BAIAP2: variants seen among roughly 807,000 people sequenced by gnomAD.
BAIAP2 encodes the protein BAR/IMD domain containing adaptor protein 2, also known as BAR/IMD domain-containing adapter protein 2.
Under a neutral mutation model 63.0 loss-of-function variants are expected in BAIAP2, and 18 were observed. The ratio of observed to expected loss-of-function variants is 0.29; its 90% CI spans 0.20 to 0.42. The LOEUF (loss-of-function observed/expected upper bound fraction) is 0.42, where lower values mean the gene tolerates loss of function less well. Ranked by LOEUF, BAIAP2 falls within the 10% of genes least tolerant of loss-of-function variation. The pLI, the probability that BAIAP2 is intolerant of heterozygous loss-of-function variation, is 1.00. For synonymous variants in BAIAP2, 386 were observed against 307.6 expected, an observed-to-expected ratio of 1.25 and a Z score of -2.67; for missense variants, 610 against 734.3, an observed-to-expected ratio of 0.83 and a Z score of 1.96.
At chr17:81,066,617 G>A (rs548774989) in intron 3 of BAIAP2, among the ~76,000 whole-genome samples, 1 of 152,340 alleles carries the variant, frequency 6.6e-6, no homozygotes, top group African/African-American at 2.4e-5. Flanking sequence ...TCTGAAACGT[G>A]GGGCCCTGTG....
intron 3 of BAIAP2, among the ~76,000 whole-genome samples, chr17:81,071,062 G>T (rs868648841): frequency 6.6e-6 from 1 of 151,330 alleles, no homozygotes; most frequent in Admixed American, 6.6e-5. Flanking sequence ...GGGAAGCAGC[G>T]TCAGCTACCG....
Position 81,109,372 on chromosome 17 carries a change from TAAAAAA to T in BAIAP2, c.1535+881_1535+886del, listed in dbSNP as rs747875777. 7.9e-3 allele frequency: 6,997 copies of T among 884,946 alleles called. 2 individuals are homozygous for T. Among genetic ancestry groups the T allele is most frequent in the South Asian group, 8.9e-3 (167 of 18,742 alleles). The allele number at this position is 884,946 out of a possible 1,614,324, so 54.8% of individuals were successfully genotyped here. A position where few individuals can be genotyped will look rare whatever the true frequency, so the allele number is the denominator to read the frequency against. On this transcript the variant is annotated intron_variant, in intron 13 of 13. Transcript: ENST00000428708. ...AAAGTTTGAAGAAAAAGAAAAATCTTAAAAAAAAAAAAAAAAAAAAAAAGAAAAAAA... is the reference window on the plus strand; with the variant it reads ...AAAGTTTGAAGAAAAAGAAAAATCTTAAAAAAAAAAAAAAAAAGAAAAAAA...
chr17:81,037,274 C>T (rs938014792), intron 1 of BAIAP2, among the ~76,000 whole-genome samples: 15 of 152,238 alleles, frequency 9.9e-5, no homozygotes, highest in African/African-American at 1.4e-4. Context: ...CGGCAGGACG[C>T]GGTGGGCCGC....
intron 1 of BAIAP2, among the ~76,000 whole-genome samples, chr17:81,039,654 G>T (rs2046814450): frequency 6.6e-6 from 1 of 151,528 alleles, no homozygotes; most frequent in Admixed American, 6.6e-5. Flanking sequence ...GCTTTCAGGG[G>T]CCACCGTTAG....
intron 6 of BAIAP2, among the ~76,000 whole-genome samples, chr17:81,093,823 ATAGCAGGGCCGGTGATCG>A (rs2057203841): frequency 2.0e-5 from 3 of 152,340 alleles, no homozygotes; most frequent in Middle Eastern, 6.8e-3. Context: ...AGAGAAGATA[ATAGCAGGGCCGGTGATCG>A]CCAGCGTGGA....
chr17:81,113,288 G>A (rs2060123187), intron 13 of BAIAP2, among the ~76,000 whole-genome samples: 1 of 152,210 alleles, frequency 6.6e-6, no homozygotes, highest in Non-Finnish European at 1.5e-5. Flanking sequence ...AGGTGCTGGT[G>A]GTGTCATTGG....
chr17:81,096,678 C>T (rs573039514), intron 6 of BAIAP2, among the ~76,000 whole-genome samples: 9 of 152,384 alleles, frequency 5.9e-5, no homozygotes, highest in Admixed American at 2.6e-4. Flanking sequence ...AGGAGTCCAG[C>T]AGCCAGGCTG....
At chr17:81,108,393 T>G in intron 12 of BAIAP2, 82 bp from the exon 13 acceptor site, 14 of 1,453,510 alleles carry the variant, frequency 9.6e-6, no homozygotes, top group Non-Finnish European at 1.3e-5. Flanking sequence ...AGGATCACCA[T>G]TTGTGGGTGT....
intron 7 of BAIAP2, among the ~76,000 whole-genome samples, chr17:81,102,477 G>C (rs1394046775): frequency 6.6e-6 from 1 of 152,258 alleles, no homozygotes. Context: ...GCCGTCTCCA[G>C]CTCTGTTACT....
intron 2 of BAIAP2, among the ~76,000 whole-genome samples, chr17:81,057,016 C>G (rs969399593): frequency 1.3e-5 from 2 of 152,276 alleles, no homozygotes; most frequent in Admixed American, 6.5e-5. Flanking sequence ...TGCCGCAGAA[C>G]AAATTGTGCG....
chr17:81,075,539 A>G (rs2053517039), intron 3 of BAIAP2, among the ~76,000 whole-genome samples: 1 of 152,172 alleles, frequency 6.6e-6, no homozygotes, highest in Non-Finnish European at 1.5e-5. Context: ...TCATCTGCTC[A>G]CTAGACGCGG....
chr17:81,089,975 G>GGT, intron 6 of BAIAP2, among the ~76,000 whole-genome samples: 1 of 152,280 alleles, frequency 6.6e-6, no homozygotes, highest in South Asian at 2.1e-4. Flanking sequence ...GGAGATGTGT[G>GGT]GTGCTGGTCT....
At position 81,090,335 on chromosome 17, in the gene BAIAP2, G is replaced by A. The variant is rs1196043457; in HGVS notation, c.489+3755G>A. On this transcript the variant is annotated intron_variant, in intron 6 of 13. Coordinates refer to ENST00000428708, the MANE Select transcript of BAIAP2 (RefSeq NM_001144888.2). ...ACATCAACCTTCTCACGGTGCCTGC[G>A]TGGGGGCTCTCCTGGACGGACCTCC... is the stretch of plus-strand genomic sequence containing the variant. 3.9e-5 allele frequency among the ~76,000 whole-genome samples: 6 copies of A among 152,048 alleles called. No homozygotes were observed. In the South Asian group the frequency reaches 1.0e-3, roughly 26 times the overall value.
At chr17:81,100,211 G>T in intron 7 of BAIAP2, 131 bp downstream of exon 7, 2 of 1,272,128 alleles carry the variant, frequency 1.6e-6, no homozygotes, top group Non-Finnish European at 2.1e-6. Flanking sequence ...GTTTATTTCG[G>T]GTTTTCTTGG....
At chr17:81,091,289 CCTG>C (rs1315911948) in intron 6 of BAIAP2, among the ~76,000 whole-genome samples, 2 of 151,070 alleles carry the variant, frequency 1.3e-5, no homozygotes, top group Non-Finnish European at 1.5e-5. Flanking sequence ...TCAGCGAAGT[CCTG>C]CTGGTTGCAG....
At chr17:81,092,134 C>T (rs933790751) in intron 6 of BAIAP2, among the ~76,000 whole-genome samples, 2 of 152,228 alleles carry the variant, frequency 1.3e-5, no homozygotes, top group Admixed American at 1.3e-4. Flanking sequence ...GAAGTGATTG[C>T]CGGGGTCTCC....
At chr17:81,067,060 G>C (rs1411739039) in intron 3 of BAIAP2, among the ~76,000 whole-genome samples, 1 of 152,230 alleles carries the variant, frequency 6.6e-6, no homozygotes, top group Non-Finnish European at 1.5e-5. Flanking sequence ...CCAGCACAGC[G>C]GCGCCTGCAG....
At chr17:81,097,329 T>C (rs967794065) in intron 6 of BAIAP2, among the ~76,000 whole-genome samples, 2 of 152,078 alleles carry the variant, frequency 1.3e-5, no homozygotes, top group African/African-American at 4.8e-5. Context: ...GACAGCATGG[T>C]CTGCTCACAC....
intron 3 of BAIAP2, among the ~76,000 whole-genome samples, chr17:81,080,455 G>A (rs2054411233): frequency 6.6e-6 from 1 of 152,270 alleles, no homozygotes; most frequent in African/African-American, 2.4e-5. Flanking sequence ...ACATTGTGGG[G>A]CTGGGGGCTC....
Sources: allele counts gnomAD v4.1 joint callset (sites outside exome capture counted in the v4.1 genomes callset), GRCh38; gene constraint gnomAD v4.1.1; transcripts MANE v1.5; gene names NCBI Gene and HGNC (gene_info 2026-07-23, HGNC 2026-07-21).